The following ACAP2 variants were observed in gnomAD, a reference collection of about 807,000 sequenced individuals.
ACAP2 encodes the protein arf-GAP with coiled-coil, ANK repeat and PH domain-containing protein 2.
In ACAP2, 39 loss-of-function variants were observed where a neutral mutation model predicts 115.8. The ratio of observed to expected loss-of-function variants is 0.34; its 90% confidence interval spans 0.26 to 0.44. The LOEUF is 0.44. ACAP2 is among the 20% of genes least tolerant of loss of function. The pLI is 1.00. For synonymous variants in ACAP2, 289 were observed against 315.8 expected, an observed-to-expected ratio of 0.92 and a Z score of 0.90; for missense variants, 662 against 927.6, an observed-to-expected ratio of 0.71 and a Z score of 3.72.
intron 1 of ACAP2, among the ~76,000 whole-genome samples, chr3:195,430,616 G>A (rs779120972): frequency 1.5e-4 from 23 of 152,140 alleles, no homozygotes; most frequent in Non-Finnish European, 2.8e-4. Context: ...TCGGGAGGCT[G>A]AGGCAGGAGA....
chr3:195,419,417 G>A (rs142511695), intron 1 of ACAP2: 54 of 152,116 alleles, frequency 3.5e-4, no homozygotes, highest in African/African-American at 1.3e-3. Flanking sequence ...CACTTACTGG[G>A]GGAGAAGAAA....
At chr3:195,373,830 T>C (rs956274163) in intron 4 of ACAP2, among the ~76,000 whole-genome samples, 5 of 151,604 alleles carry the variant, frequency 3.3e-5, no homozygotes, top group Admixed American at 6.6e-5. Context: ...GAGGCTAAGG[T>C]AGGAGAACTG....
intron 21 of ACAP2, among the ~76,000 whole-genome samples, chr3:195,288,337 A>G (rs1011610076): frequency 2.0e-5 from 3 of 152,206 alleles, no homozygotes; most frequent in African/African-American, 7.2e-5. Context: ...TGAGAACCAA[A>G]TAAGTTCATG....
chr3:195,295,316 T>C (rs1258954266), intron 17 of ACAP2: 1 of 1,285,596 alleles, frequency 7.8e-7, no homozygotes, highest in Admixed American at 2.3e-5. Context: ...GACATGCAAG[T>C]TAGCAAAGCA....
chr3:195,441,719 T>C (rs1716008030), intron 1 of ACAP2: 2 of 152,176 alleles, frequency 1.3e-5, no homozygotes, highest in South Asian at 4.1e-4. Flanking sequence ...CTAACGGAAG[T>C]GTTAAGGCCT....
chr3:195,311,721 G>C (rs1031264928), intron 10 of ACAP2, among the ~76,000 whole-genome samples: 2 of 151,798 alleles, frequency 1.3e-5, no homozygotes, highest in African/African-American at 2.4e-5. Flanking sequence ...ATTTTTAGTA[G>C]AGACGGGGTT....
chr3:195,415,298 G>C (rs921441401), intron 1 of ACAP2, among the ~76,000 whole-genome samples: 4 of 67,698 alleles, frequency 5.9e-5, no homozygotes, highest in East Asian at 1.2e-3. Flanking sequence ...TTTTTTTTTT[G>C]AGATGGAGTC....
In ACAP2 at chr3:195,425,126, T is replaced by G. The variant is rs144281407; in HGVS notation, c.53+17669A>C. Among the ~76,000 whole-genome samples the G allele has an allele frequency of 8.4e-3, 1,251 of 149,356 alleles. 14 individuals carry two copies. The highest frequency in any genetic ancestry group is 0.027 in the African/African-American group (1,098 of 40,578). ...TATACAACTAAAAGTATCATCTGAA[T>G]AGTTAAGTGTGTCAAAATGTTTGTG... On this transcript the variant is annotated intron_variant, in intron 1 of 22. Coordinates refer to ENST00000326793, the MANE Select transcript of ACAP2 (RefSeq NM_012287.6).
chr3:195,337,257 T>A (rs945801301), intron 6 of ACAP2, among the ~76,000 whole-genome samples: 11 of 152,182 alleles, frequency 7.2e-5, no homozygotes, highest in African/African-American at 2.4e-4. Context: ...GGGAATTCCA[T>A]CTTTTTCCCA....
At chr3:195,427,347 G>C (rs1714760856) in intron 1 of ACAP2, among the ~76,000 whole-genome samples, 1 of 151,934 alleles carries the variant, frequency 6.6e-6, no homozygotes. Context: ...TGTCGTTTTA[G>C]GCCACTAAGT....
intron 10 of ACAP2, among the ~76,000 whole-genome samples, chr3:195,309,491 A>T (rs1728622266): frequency 6.6e-6 from 1 of 151,870 alleles, no homozygotes; most frequent in Non-Finnish European, 1.5e-5. Flanking sequence ...GGTTGCAGTG[A>T]GCCGAGATCA....
At chr3:195,289,290 A>C in intron 20 of ACAP2, 59 bp from the exon 21 acceptor site, 11 of 1,194,148 alleles carry the variant, frequency 9.2e-6, no homozygotes, top group Admixed American at 6.8e-5. Flanking sequence ...ATTAGTATTC[A>C]CCTTAAAAAA....
rs942636153 is a variant in ACAP2 at position 195,275,796 on chromosome 3, C to A, written c.*3532G>T. The A allele has an allele frequency of 6.6e-6, 1 of 152,198 alleles. No homozygotes were observed. The highest frequency in any genetic ancestry group is 2.4e-5 in the African/African-American group (1 of 41,410). The allele number at this position is 152,198 out of a possible 1,614,324, so 9.4% of individuals were successfully genotyped here. ...AGAATCCAGTGAGATAAAGCAATGC[C>A]AAGTACACTGTAAGTAGCAAAACAG... On this transcript the variant is annotated 3_prime_UTR_variant, in exon 23 of 23. Transcript: ENST00000326793.
At chr3:195,398,424 C>A (rs1711986375) in intron 1 of ACAP2, among the ~76,000 whole-genome samples, 1 of 152,036 alleles carries the variant, frequency 6.6e-6, no homozygotes, top group South Asian at 2.1e-4. Flanking sequence ...GCAGGTAGAT[C>A]ACGGGAGGTC....
chr3:195,331,996 T>TGGTGGCGGGCAC (rs1730201718), intron 8 of ACAP2, among the ~76,000 whole-genome samples: 1 of 151,816 alleles, frequency 6.6e-6, no homozygotes, highest in Non-Finnish European at 1.5e-5. Flanking sequence ...CAGCCGGGCA[T>TGGTGGCGGGCAC]GGTGGCGGGC....
chr3:195,418,582 C>T (rs978746900), intron 1 of ACAP2, among the ~76,000 whole-genome samples: 2 of 152,118 alleles, frequency 1.3e-5, no homozygotes, highest in Admixed American at 6.6e-5. Flanking sequence ...CAGACACACG[C>T]CTCCACACCC....
chr3:195,441,138 A>AG (rs1264958068), intron 1 of ACAP2, among the ~76,000 whole-genome samples: 2 of 152,128 alleles, frequency 1.3e-5, no homozygotes, highest in East Asian at 3.8e-4. Context: ...CTTAAAAAAA[A>AG]AAAAAAATTA....
chr3:195,358,160 G>A (rs1732113712), intron 4 of ACAP2, among the ~76,000 whole-genome samples: 1 of 152,174 alleles, frequency 6.6e-6, no homozygotes, highest in Admixed American at 6.6e-5. Context: ...AGCATTACTA[G>A]TCTTGGGGTG....
chr3:195,279,137 TA>T lies in ACAP2; in HGVS notation c.*190del. 2.2e-6 allele frequency: 1 copy of T among 445,504 alleles called. No homozygotes were observed. Among genetic ancestry groups the T allele is most frequent in the Non-Finnish European group, 3.9e-6 (1 of 255,912 alleles). 27.6% of individuals were successfully genotyped at this position (445,504 alleles called of 1,614,324 possible). A position where few individuals can be genotyped will look rare whatever the true frequency, so the allele number is the denominator to read the frequency against. Reference sequence around the variant, plus strand: ...TAGGCTTTTTTAATAAAAGAGGTCCTAAACTAGGTTCCTCTCCTACTACTAG... The same window carrying T: ...TAGGCTTTTTTAATAAAAGAGGTCCTAACTAGGTTCCTCTCCTACTACTAG... On this transcript the variant is annotated 3_prime_UTR_variant, in exon 23 of 23. Transcript: ENST00000326793.
Sources: allele counts gnomAD v4.1 joint callset (sites outside exome capture counted in the v4.1 genomes callset), GRCh38; gene constraint gnomAD v4.1.1; transcripts MANE v1.5; gene names NCBI Gene and HGNC (gene_info 2026-07-23, HGNC 2026-07-21).